The following TENM3 variants were observed in gnomAD, a reference collection of about 807,000 sequenced individuals.
TENM3 encodes teneurin transmembrane protein 3, also known as teneurin-3.
Under a neutral mutation model 255.1 loss-of-function variants are expected in TENM3, and 63 were observed. That is an observed-to-expected ratio of 0.25 (90% CI 0.20 to 0.30). The LOEUF (loss-of-function observed/expected upper bound fraction) is 0.30, where lower values mean the gene tolerates loss of function less well. Among genes scored for constraint, TENM3 ranks in the 10% least tolerant of loss-of-function variants. The probability of loss-of-function intolerance (pLI) is 1.00; values close to 1 mark genes in which losing one functional copy is unlikely to be tolerated. For missense variants in TENM3, 2,929 were observed against 3,461.1 expected, an observed-to-expected ratio of 0.85 and a Z score of 3.86; for synonymous variants, 1,306 against 1,322.3, an observed-to-expected ratio of 0.99 and a Z score of 0.27.
intron 5 of TENM3, among the ~76,000 whole-genome samples, chr4:182,641,286 C>A (rs1201784889): frequency 6.6e-6 from 1 of 152,144 alleles, no homozygotes. Context: ...TACATAGGAG[C>A]TGTTTTTCGG....
the TENM3 span, among the ~76,000 whole-genome samples, chr4:181,849,949 T>TCTCTCTCTCTCTCTCTCTCTCTCA: frequency 1.8e-4 from 12 of 65,964 alleles, no homozygotes; most frequent in African/African-American, 4.8e-4. Context: ...TCTCTCTCTC[T>TCTCTCTCTCTCTCTCTCTCTCTCA]CACACACACA....
At position 182,729,111 on chromosome 4, in the gene TENM3, G is replaced by A. The variant is rs1760473802; in HGVS notation, c.2515G>A (p.Asp839Asn). The change falls in exon 14 of 28, where the codon GAT becomes AAT. Residue 839 changes from aspartate to asparagine, a missense_variant. By Grantham distance (23) the Asp-to-Asn change is conservative. Around this residue, in one of 6 missense-constraint regions of TENM3, gnomAD observed 1,608 missense variants for 1,884.4 expected, o/e 0.85. Coordinates refer to ENST00000511685, the MANE Select transcript of TENM3 (RefSeq NM_001080477.4). ...TCAGCAAGCTGCCAAATCCTTTTATGATCGAATCAGTTTCCTTATAGGATC... is the reference window on the plus strand; with the variant it reads ...TCAGCAAGCTGCCAAATCCTTTTATAATCGAATCAGTTTCCTTATAGGATC... ...PSQQAAKSFY[D>N]RISFLIGSDS... The A allele has an allele frequency of 6.2e-7, 1 of 1,613,818 alleles. No homozygotes were observed. Among genetic ancestry groups the A allele is most frequent in the Non-Finnish European group, 8.5e-7 (1 of 1,179,894 alleles).
At chr4:182,417,044 G>T (rs189381706) in intron 3 of TENM3, among the ~76,000 whole-genome samples, 1 of 152,142 alleles carries the variant, frequency 6.6e-6, no homozygotes, top group East Asian at 1.9e-4. Flanking sequence ...TGCGATCTCG[G>T]CTCACTGCAA....
chr4:181,717,017 CT>C, the TENM3 span, among the ~76,000 whole-genome samples: 1 of 152,296 alleles, frequency 6.6e-6, no homozygotes, highest in Middle Eastern at 3.4e-3. Context: ...CTTTTAGCCC[CT>C]CCTGATACTG....
the TENM3 span, among the ~76,000 whole-genome samples, chr4:181,618,883 CTG>C: frequency 6.6e-6 from 1 of 152,168 alleles, no homozygotes; most frequent in Non-Finnish European, 1.5e-5. Context: ...AGTGGGCACA[CTG>C]GAGAATTCAG....
At chr4:181,967,870 C>T in the TENM3 span, among the ~76,000 whole-genome samples, 1 of 152,124 alleles carries the variant, frequency 6.6e-6, no homozygotes, top group African/African-American at 2.4e-5. Flanking sequence ...AAATATTTCA[C>T]ACAGTTTGGC....
intron 3 of TENM3, among the ~76,000 whole-genome samples, chr4:182,529,787 A>G (rs958913370): frequency 1.2e-4 from 19 of 152,208 alleles, no homozygotes; most frequent in African/African-American, 4.6e-4. Flanking sequence ...ACTGACACCA[A>G]AGTCATGGTT....
At chr4:182,704,302 G>T (rs1054962897) in intron 12 of TENM3, among the ~76,000 whole-genome samples, 2 of 152,176 alleles carry the variant, frequency 1.3e-5, no homozygotes, top group African/African-American at 4.8e-5. Context: ...CATAGGCTAT[G>T]CACATCCCAA....
chr4:182,717,087 A>G (rs1385657135), intron 13 of TENM3, among the ~76,000 whole-genome samples: 1 of 152,102 alleles, frequency 6.6e-6, no homozygotes, highest in Non-Finnish European at 1.5e-5. Flanking sequence ...TTTAAAAGAG[A>G]CATCCATCAT....
chr4:181,890,227 C>T, the TENM3 span, among the ~76,000 whole-genome samples: 1 of 152,140 alleles, frequency 6.6e-6, no homozygotes, highest in African/African-American at 2.4e-5. Flanking sequence ...CAGCCACCAG[C>T]TTTAGGTGGT....
the TENM3 span, among the ~76,000 whole-genome samples, chr4:181,888,532 A>ATGTGTGTG: frequency 1.3e-5 from 1 of 78,750 alleles, no homozygotes; most frequent in African/African-American, 4.6e-5. Context: ...ATATACATAT[A>ATGTGTGTG]TGTGTATATA....
the TENM3 span, among the ~76,000 whole-genome samples, chr4:182,133,857 A>G: frequency 3.9e-5 from 6 of 152,228 alleles, no homozygotes; most frequent in Non-Finnish European, 8.8e-5. Flanking sequence ...TATTTACTTT[A>G]TGAAAAATAT....
At chr4:182,478,628 G>A (rs1316052791) in intron 3 of TENM3, among the ~76,000 whole-genome samples, 1 of 151,750 alleles carries the variant, frequency 6.6e-6, no homozygotes, top group Non-Finnish European at 1.5e-5. Flanking sequence ...AAATTTATAT[G>A]TTAATAAATA....
intron 12 of TENM3, among the ~76,000 whole-genome samples, chr4:182,694,093 A>AT (rs1354016061): frequency 4.6e-5 from 7 of 151,062 alleles, no homozygotes; most frequent in South Asian, 2.1e-4. Flanking sequence ...GGTTGGTTTT[A>AT]TTTTTTTTTA....
chr4:182,734,660 T>A (rs1332527451), intron 16 of TENM3, among the ~76,000 whole-genome samples: 2 of 152,166 alleles, frequency 1.3e-5, no homozygotes, highest in African/African-American at 4.8e-5. Flanking sequence ...GGATCAGGAA[T>A]AGGATTTAAA....
intron 6 of TENM3, among the ~76,000 whole-genome samples, chr4:182,662,794 G>T (rs931893088): frequency 6.6e-6 from 1 of 152,182 alleles, no homozygotes; most frequent in African/African-American, 2.4e-5. Context: ...ATCAAACTGT[G>T]TCAATGGCCC....
At chr4:182,453,948 AC>A (rs1167773900) in intron 3 of TENM3, among the ~76,000 whole-genome samples, 1 of 152,190 alleles carries the variant, frequency 6.6e-6, no homozygotes. Flanking sequence ...CGGAGTAGAC[AC>A]CTGGCTGAGC....
chr4:182,169,443 A>G, intron 1 of TENM3: 1 of 361,444 alleles, frequency 2.8e-6, no homozygotes, highest in Non-Finnish European at 5.4e-6. Context: ...AATTCTTCTG[A>G]AGAGAAAAAT....
chr4:182,669,707 T>C (rs1755043657), intron 6 of TENM3, among the ~76,000 whole-genome samples: 1 of 152,288 alleles, frequency 6.6e-6, no homozygotes, highest in South Asian at 2.1e-4. Context: ...AATAGACAAA[T>C]TTAAAACTTA....
Sources: gnomAD v4.1 joint callset for allele counts (sites outside exome capture counted in the v4.1 genomes callset) on GRCh38, gnomAD v4.1.1 for gene constraint, gnomAD v4.1.1 regional missense constraint, MANE v1.5 for transcripts, NCBI Gene and HGNC (gene_info 2026-07-23, HGNC 2026-07-21) for gene names.